The following ZBTB40 variants were observed in gnomAD, a reference collection of about 807,000 sequenced individuals.
ZBTB40 encodes the protein zinc finger and BTB domain containing 40.
Under a neutral mutation model 117.5 loss-of-function variants are expected in ZBTB40, and 60 were observed. That is an observed-to-expected ratio of 0.51 (90% CI 0.41 to 0.63). The LOEUF (loss-of-function observed/expected upper bound fraction) is 0.63. Ranked by LOEUF, ZBTB40 falls within the 30% of genes least tolerant of loss-of-function variation. The probability of loss-of-function intolerance (pLI) is 0.00; values close to 1 mark genes in which losing one functional copy is unlikely to be tolerated. For synonymous variants in ZBTB40, 525 were observed against 577.1 expected (o/e 0.91, Z 1.29); for missense variants, 1,287 against 1,498.5 (o/e 0.86, Z 2.33).
intron 1 of ZBTB40, among the ~76,000 whole-genome samples, chr1:22,485,286 CT>C (rs1638434983): frequency 1.3e-5 from 2 of 152,130 alleles, no homozygotes; most frequent in Admixed American, 1.3e-4. Context: ...GTTGCTTCCA[CT>C]TTGGGGAGGT....
At chr1:22,493,534 T>A (rs914338817) in intron 3 of ZBTB40, among the ~76,000 whole-genome samples, 15 of 152,176 alleles carry the variant, frequency 9.9e-5, no homozygotes, top group African/African-American at 3.6e-4. Context: ...ACAGTGTGAT[T>A]AGTTTTGGTA....
chr1:22,433,092 C>T (rs543159493), intron 1 of ZBTB40, among the ~76,000 whole-genome samples: 1 of 152,058 alleles, frequency 6.6e-6, no homozygotes, highest in Admixed American at 6.6e-5. Flanking sequence ...AACACCAGAT[C>T]GAAAATGTTT....
intron 3 of ZBTB40, among the ~76,000 whole-genome samples, chr1:22,499,464 G>A (rs1638867681): frequency 1.3e-5 from 2 of 152,192 alleles, no homozygotes; most frequent in South Asian, 4.1e-4. Flanking sequence ...CCCTACTGCT[G>A]TCAGTGAAAA....
chr1:22,487,832 C>G (rs1638515091), intron 1 of ZBTB40, among the ~76,000 whole-genome samples: 2 of 152,132 alleles, frequency 1.3e-5, no homozygotes. Context: ...AGGATAACCT[C>G]CAAGCTCGTA....
At chr1:22,475,535 C>G (rs570853554) in intron 1 of ZBTB40, among the ~76,000 whole-genome samples, 1 of 152,184 alleles carries the variant, frequency 6.6e-6, no homozygotes, top group African/African-American at 2.4e-5. Context: ...ATGTTTCTTC[C>G]TTTGTCTGCA....
rs538866463 is a variant in ZBTB40 at position 22,440,375 on chromosome 1, G to A, written c.-70+11361G>A. 2.9e-4 allele frequency among the ~76,000 whole-genome samples: 44 copies of A among 152,298 alleles called. No homozygotes were observed. In the South Asian group the frequency reaches 9.1e-3, roughly 32 times the overall value. The stretch of plus-strand genomic sequence containing the variant: ...AATACTAAGCTGGATGAGGTGGCAT[G>A]CCTGTAGTCCCAGCTATGTGGGAGG... On this transcript the variant is annotated intron_variant, in intron 1 of 8. Coordinates refer to the ZBTB40 transcript ENST00000650433.
intron 14 of ZBTB40, among the ~76,000 whole-genome samples, 197 bp from the exon 15 acceptor site, chr1:22,521,299 T>C (rs1639517854): frequency 6.6e-6 from 1 of 152,244 alleles, no homozygotes; most frequent in Admixed American, 6.5e-5. Context: ...TAGTGGCTTC[T>C]CAATGAATAT....
chr1:22,455,321 G>A (rs1392863388), intron 1 of ZBTB40, among the ~76,000 whole-genome samples: 1 of 152,194 alleles, frequency 6.6e-6, no homozygotes, highest in East Asian at 1.9e-4. Flanking sequence ...GAGGCAAATG[G>A]CAGGCTTTTT....
At chr1:22,444,850 A>G (rs1190375302) in intron 1 of ZBTB40, among the ~76,000 whole-genome samples, 1 of 152,200 alleles carries the variant, frequency 6.6e-6, no homozygotes, top group Non-Finnish European at 1.5e-5. Flanking sequence ...TCTTCCAAGT[A>G]TACTTTACTT....
At chr1:22,433,440 A>AAAACAAAAACAAAAAAAAC (rs1557469768) in intron 1 of ZBTB40, among the ~76,000 whole-genome samples, 1 of 139,750 alleles carries the variant, frequency 7.2e-6, no homozygotes, top group Non-Finnish European at 1.6e-5. Flanking sequence ...CTCAAAAAAA[A>AAAACAAAAACAAAAAAAAC]AAAAAAAAAA....
Position 22,464,950 on chromosome 1 carries a change from T to C in ZBTB40, c.-70+12946T>C, listed in dbSNP as rs553173657. ...AATTCAAACATCTGTGTAACTGTTA[T>C]GGGATCTTTAGGGTGTCGATTTTCT... On this transcript the variant is annotated intron_variant, in intron 1 of 17. Coordinates refer to ENST00000375647, the MANE Select transcript of ZBTB40 (RefSeq NM_014870.4). Among the ~76,000 whole-genome samples the C allele has an allele frequency of 1.1e-3, 162 of 152,318 alleles. 1 individual carries two copies. The highest frequency in any genetic ancestry group is 1.7e-3 in the Non-Finnish European group (113 of 68,026).
rs956365300 is a variant in ZBTB40 at position 22,526,759 on chromosome 1, C to T, written c.*363C>T. The T allele has an allele frequency of 3.0e-5, 10 of 334,284 alleles. No homozygotes were observed. Among genetic ancestry groups the T allele is most frequent in the Admixed American group, 8.2e-5 (2 of 24,488 alleles). 20.7% of individuals were successfully genotyped at this position (334,284 alleles called of 1,614,324 possible). On this transcript the variant is annotated 3_prime_UTR_variant, in exon 18 of 18. Transcript: ENST00000375647. ...GGGTACCCCAGGAGGCATGATGTGC[C>T]GACAGCGCTCAGTGGGCAGAATGGC...
chr1:22,443,711 C>T (rs1243852635), intron 1 of ZBTB40, among the ~76,000 whole-genome samples: 3 of 152,208 alleles, frequency 2.0e-5, no homozygotes, highest in Non-Finnish European at 4.4e-5. Context: ...CCGCAAGAGA[C>T]GGCTTTGCAA....
At chr1:22,457,541 TGCAG>T (rs1466056910) in intron 1 of ZBTB40, among the ~76,000 whole-genome samples, 1 of 152,234 alleles carries the variant, frequency 6.6e-6, no homozygotes, top group Non-Finnish European at 1.5e-5. Context: ...CGACCTCTGC[TGCAG>T]GCACTAGCGT....
chr1:22,451,914 C>T lies in ZBTB40; in HGVS notation c.-160C>T, dbSNP rs765809741. ...TGGCGTCTCCGGCGCTGTTGAATGG[C>T]GAAAGCTTTATTGTTCCCTTCGGGC... On this transcript the variant is annotated 5_prime_UTR_variant, in exon 1 of 18. Transcript: ENST00000375647. 1 of 152,386 alleles carries T rather than the reference C, an allele frequency of 6.6e-6. No individual in the cohort carries two copies. The highest frequency in any genetic ancestry group is 2.4e-5 in the African/African-American group (1 of 41,460). The allele number at this position is 152,386 out of a possible 1,614,324, so 9.4% of individuals were successfully genotyped here.
intron 6 of ZBTB40, 142 bp downstream of exon 6, chr1:22,506,383 C>T (rs1270709846): frequency 1.0e-5 from 9 of 863,208 alleles, no homozygotes; most frequent in East Asian, 2.6e-5. Context: ...CGTCATAAAT[C>T]GATAATTCTC....
upstream of ZBTB40, among the ~76,000 whole-genome samples, chr1:22,451,538 G>C (rs1042253934): frequency 4.6e-5 from 7 of 152,030 alleles, no homozygotes; most frequent in Non-Finnish European, 8.8e-5. Context: ...CCAGCTACTC[G>C]GGAGGCTGAG....
chr1:22,451,055 T>C (rs969984442), upstream of ZBTB40, among the ~76,000 whole-genome samples: 1 of 152,138 alleles, frequency 6.6e-6, no homozygotes, highest in Non-Finnish European at 1.5e-5. Flanking sequence ...AGGGAACGCA[T>C]AGTGTGTGAG....
chr1:22,441,563 A>G (rs4655061), intron 1 of ZBTB40, among the ~76,000 whole-genome samples: 101,340 of 147,020 alleles, frequency 0.69, 38,506 homozygotes, highest in East Asian at 0.92. Flanking sequence ...GCTCACTGCA[A>G]CCTCCACCTC....
Sources: gnomAD v4.1 joint callset for allele counts (sites outside exome capture counted in the v4.1 genomes callset) on GRCh38, gnomAD v4.1.1 for gene constraint, MANE v1.5 for transcripts, NCBI Gene and HGNC (gene_info 2026-07-23, HGNC 2026-07-21) for gene names.